Variants in NXPE4 observed in about 807,000 individuals in gnomAD.
The protein encoded by NXPE4 is NXPE family member 4.
NXPE4 carries 42 observed loss-of-function variants against 33.3 expected under a neutral mutation model. The ratio of observed to expected loss-of-function variants is 1.26; its 90% CI spans 0.98 to 1.63. NXPE4 has a LOEUF of 1.63. Among genes scored for constraint, NXPE4 ranks in the 40% most tolerant of loss-of-function variants. NXPE4 has a pLI of 0.00. For synonymous variants in NXPE4, 253 were observed against 234.9 expected (o/e 1.08, Z -0.71); for missense variants, 709 against 647.6 (o/e 1.09, Z -1.03).
chr11:114,621,874 C>T, the NXPE4 span, among the ~76,000 whole-genome samples: 4 of 150,420 alleles, frequency 2.7e-5, no homozygotes, highest in Non-Finnish European at 5.9e-5. Flanking sequence ...CTGTTACCTG[C>T]TGGATAATAA....
the NXPE4 span, among the ~76,000 whole-genome samples, chr11:114,625,612 T>A: frequency 6.6e-6 from 1 of 152,182 alleles, no homozygotes; most frequent in African/African-American, 2.4e-5. Context: ...ATAATAAATA[T>A]TGCCTCGTGG....
the NXPE4 span, among the ~76,000 whole-genome samples, chr11:114,640,214 A>G: frequency 1.4e-5 from 2 of 139,510 alleles, no homozygotes; most frequent in Admixed American, 7.6e-5. Context: ...ATATTTTAAA[A>G]TGTAATTTAT....
the NXPE4 span, among the ~76,000 whole-genome samples, chr11:114,660,471 A>T: frequency 1.8e-3 from 270 of 152,170 alleles, 2 homozygotes; most frequent in Middle Eastern, 0.01. Context: ...AAGATCAATC[A>T]ATCAAAGTAA....
the NXPE4 span, among the ~76,000 whole-genome samples, chr11:114,657,987 GCTTT>G: frequency 6.6e-6 from 1 of 152,096 alleles, no homozygotes; most frequent in African/African-American, 2.4e-5. Context: ...CTAACTTATT[GCTTT>G]CTTTAAGTTA....
chr11:114,628,256 C>T, the NXPE4 span, among the ~76,000 whole-genome samples: 13 of 148,900 alleles, frequency 8.7e-5, no homozygotes, highest in Non-Finnish European at 1.8e-4. Context: ...CCAAAATTGA[C>T]CATATACTTG....
chr11:114,628,160 C>T, the NXPE4 span, among the ~76,000 whole-genome samples: 2 of 143,834 alleles, frequency 1.4e-5, no homozygotes, highest in South Asian at 4.7e-4. Context: ...CAGCTCTGCA[C>T]CAAGTGGACC....
the NXPE4 span, among the ~76,000 whole-genome samples, chr11:114,633,810 C>G: frequency 6.6e-6 from 1 of 151,990 alleles, no homozygotes; most frequent in African/African-American, 2.4e-5. Flanking sequence ...TTTTTTATGG[C>G]TGCATAGTAT....
the NXPE4 span, among the ~76,000 whole-genome samples, chr11:114,659,360 T>C: frequency 1.1e-4 from 16 of 151,728 alleles, no homozygotes; most frequent in African/African-American, 3.9e-4. Flanking sequence ...GATGGCCTTA[T>C]CAGAAGAGTT....
chr11:114,633,333 CATTTT>C, the NXPE4 span, among the ~76,000 whole-genome samples: 8 of 136,344 alleles, frequency 5.9e-5, no homozygotes, highest in African/African-American at 2.2e-4. Context: ...TGTGGTATTA[CATTTT>C]ATTATATGAT....
the NXPE4 span, among the ~76,000 whole-genome samples, chr11:114,614,043 C>T: frequency 1.3e-5 from 2 of 151,678 alleles, no homozygotes; most frequent in South Asian, 2.1e-4. Flanking sequence ...ACCACTGTTA[C>T]CCGGTGAATA....
At chr11:114,606,622 T>A in the NXPE4 span, among the ~76,000 whole-genome samples, 1 of 151,964 alleles carries the variant, frequency 6.6e-6, no homozygotes, top group Admixed American at 6.6e-5. Context: ...TGGTGGATAA[T>A]AAGTGTTGCC....
upstream of NXPE4, among the ~76,000 whole-genome samples, chr11:114,597,501 G>T (rs1949587826): frequency 6.6e-6 from 1 of 152,162 alleles, no homozygotes; most frequent in Admixed American, 6.5e-5. Context: ...TCAGTTTTTT[G>T]ATGGATAAAT....
chr11:114,582,167 C>T, intron 3 of NXPE4, 121 bp downstream of exon 3: 1 of 1,026,888 alleles, frequency 9.7e-7, no homozygotes, highest in Non-Finnish European at 1.4e-6. Context: ...CAGATCCTTT[C>T]CCCAAAGGCT....
chr11:114,677,162 T>C, the NXPE4 span, among the ~76,000 whole-genome samples: 3 of 152,086 alleles, frequency 2.0e-5, no homozygotes, highest in Non-Finnish European at 4.4e-5. Flanking sequence ...ACTCAAGGTT[T>C]TACTTTACAC....
chr11:114,610,763 G>A, the NXPE4 span, among the ~76,000 whole-genome samples: 1 of 151,476 alleles, frequency 6.6e-6, no homozygotes, highest in South Asian at 2.1e-4. Flanking sequence ...GTGTTGCCTT[G>A]TCGGTAACCA....
chr11:114,673,168 GA>G, the NXPE4 span, among the ~76,000 whole-genome samples: 1 of 150,412 alleles, frequency 6.6e-6, no homozygotes, highest in South Asian at 2.1e-4. Flanking sequence ...AATTGGTAAT[GA>G]AAATAAATTT....
chr11:114,638,348 T>G, the NXPE4 span, among the ~76,000 whole-genome samples: 8 of 152,048 alleles, frequency 5.3e-5, no homozygotes, highest in African/African-American at 1.9e-4. Context: ...TATTGGTTAT[T>G]CTAGTTATCC....
upstream of NXPE4, among the ~76,000 whole-genome samples, chr11:114,597,249 T>C (rs536556772): frequency 1.2e-4 from 19 of 152,104 alleles, no homozygotes; most frequent in African/African-American, 4.6e-4. Context: ...ATTAGCCCAA[T>C]AGAAGGAAAA....
At chr11:114,638,254 A>G in the NXPE4 span, among the ~76,000 whole-genome samples, 6 of 151,940 alleles carry the variant, frequency 3.9e-5, no homozygotes, top group Non-Finnish European at 7.4e-5. Flanking sequence ...AGTTGATCAC[A>G]TCAGCTCCTG....
Sources: gnomAD v4.1 joint callset for allele counts (sites outside exome capture counted in the v4.1 genomes callset) on GRCh38, gnomAD v4.1.1 for gene constraint, MANE v1.5 for transcripts, NCBI Gene and HGNC (gene_info 2026-07-23, HGNC 2026-07-21) for gene names.